STX19: variants seen among roughly 807,000 people sequenced by gnomAD.
STX19 encodes syntaxin 19, also known as syntaxin-19.
A neutral mutation model predicts 24.3 loss-of-function variants in STX19; 26 were observed. That is an observed-to-expected ratio of 1.07 (90% CI 0.78 to 1.48). STX19 has a LOEUF of 1.48. Ranked by LOEUF, STX19 falls within the 40% of genes most tolerant of loss-of-function variation. STX19 has a pLI of 0.00. For missense variants in STX19, 367 were observed against 331.9 expected, an observed-to-expected ratio of 1.11 and a Z score of -0.82; for synonymous variants, 116 against 106.9, an observed-to-expected ratio of 1.09 and a Z score of -0.52.
intron 1 of STX19, among the ~76,000 whole-genome samples, chr3:94,017,577 T>TATA (rs1425630537): frequency 6.6e-6 from 1 of 152,246 alleles, no homozygotes; most frequent in African/African-American, 2.4e-5. Context: ...CTTATATGTA[T>TATA]ATAAGTTTTA....
chr3:94,020,256 C>T lies in STX19; in HGVS notation c.-13-4974G>A, dbSNP rs555836441. Reference sequence around the variant, plus strand: ...TCTTGATATCTTAGATTTACTTGAGCTCTTAATATGTGCCAGGCACTAAGT... The same window carrying T: ...TCTTGATATCTTAGATTTACTTGAGTTCTTAATATGTGCCAGGCACTAAGT... On this transcript the variant is annotated intron_variant, in intron 1 of 1. Coordinates refer to ENST00000315099, the MANE Select transcript of STX19 (RefSeq NM_001001850.3). Among the ~76,000 whole-genome samples the T allele has an allele frequency of 5.9e-5, 9 of 152,220 alleles. No individual in the cohort carries two copies. The South Asian group carries it at 6.2e-4, about 11-fold the overall frequency.
chr3:94,024,231 T>G (rs1253404606), intron 1 of STX19, among the ~76,000 whole-genome samples: 1 of 152,194 alleles, frequency 6.6e-6, no homozygotes, highest in African/African-American at 2.4e-5. Context: ...GACTATGAAT[T>G]CTTAAAAATA....
intron 1 of STX19, among the ~76,000 whole-genome samples, chr3:94,022,590 T>C (rs900753377): frequency 2.6e-5 from 4 of 152,148 alleles, no homozygotes; most frequent in Non-Finnish European, 4.4e-5. Flanking sequence ...ACTACCCAAA[T>C]ATTATTTATA....
intron 1 of STX19, among the ~76,000 whole-genome samples, chr3:94,021,968 A>T (rs972309127): frequency 6.6e-6 from 1 of 151,878 alleles, no homozygotes; most frequent in African/African-American, 2.4e-5. Flanking sequence ...TATATATCTG[A>T]CCCTTACCTG....
Position 94,014,947 on chromosome 3 carries a change from C to A in STX19, c.323G>T (p.Ser108Ile), listed in dbSNP as rs556745116. ...AACTTCTTTAACTAAATCATTCAAA[C>A]TTCTGTTGATGTATTCTGCCTGAAT... ...IKIQAEYINRSLNDLVKEVKK... is the reference protein window; with the variant it reads ...IKIQAEYINRILNDLVKEVKK... The change falls in exon 2 of 2, where the codon AGT becomes ATT. Residue 108 changes from serine to isoleucine, a missense_variant. Transcript: ENST00000315099. 2.9e-5 allele frequency: 46 copies of A among 1,613,918 alleles called. No individual in the cohort carries two copies. The South Asian group carries it at 5.1e-4, about 18-fold the overall frequency.
At chr3:94,019,527 C>T (rs1427917520) in intron 1 of STX19, among the ~76,000 whole-genome samples, 6 of 152,052 alleles carry the variant, frequency 3.9e-5, no homozygotes, top group African/African-American at 7.2e-5. Context: ...TGATTGTTAA[C>T]GATAGTCTCC....
chr3:94,025,028 T>C (rs1320827265), intron 1 of STX19, among the ~76,000 whole-genome samples: 2 of 152,214 alleles, frequency 1.3e-5, no homozygotes, highest in Non-Finnish European at 2.9e-5. Flanking sequence ...TGAATTTTCC[T>C]GTGAAGTGCC....
chr3:94,025,961 C>G (rs2107041463), intron 1 of STX19, among the ~76,000 whole-genome samples: 1 of 152,060 alleles, frequency 6.6e-6, no homozygotes, highest in South Asian at 2.1e-4. Flanking sequence ...GCTTTAATTA[C>G]TACTCTTCAC....
At chr3:94,022,137 T>A (rs557500832) in intron 1 of STX19, among the ~76,000 whole-genome samples, 10 of 152,240 alleles carry the variant, frequency 6.6e-5, no homozygotes, top group Non-Finnish European at 1.3e-4. Context: ...ATTTTATTTT[T>A]TTTGAGACAG....
intron 1 of STX19, among the ~76,000 whole-genome samples, chr3:94,018,713 T>C (rs1467692263): frequency 1.3e-5 from 2 of 152,128 alleles, no homozygotes; most frequent in Non-Finnish European, 2.9e-5. Flanking sequence ...CTGCCCCATC[T>C]CTCTTCTGGC....
intron 1 of STX19, among the ~76,000 whole-genome samples, chr3:94,028,102 A>T (rs1232530145): frequency 6.6e-6 from 1 of 152,152 alleles, no homozygotes; most frequent in Non-Finnish European, 1.5e-5. Context: ...ATGAGAGCTT[A>T]CTTTTTAAAA....
intron 1 of STX19, among the ~76,000 whole-genome samples, chr3:94,023,892 A>T (rs962281638): frequency 6.6e-6 from 1 of 152,204 alleles, no homozygotes; most frequent in African/African-American, 2.4e-5. Flanking sequence ...TTGAAGCTTT[A>T]TTAGGATCTT....
At chr3:94,021,254 C>T (rs1223972825) in intron 1 of STX19, among the ~76,000 whole-genome samples, 1 of 150,728 alleles carries the variant, frequency 6.6e-6, no homozygotes, top group Admixed American at 6.6e-5. Context: ...AGTGCAGTGT[C>T]ATGATCTCAG....
intron 1 of STX19, 99 bp from the exon 2 acceptor site, chr3:94,015,381 C>A: frequency 1.2e-6 from 1 of 861,884 alleles, no homozygotes; most frequent in Non-Finnish European, 1.7e-6. Flanking sequence ...AGCAAAAGTT[C>A]TCCTAGTTTT....
chr3:94,014,379 G>A lies in STX19; in HGVS notation c.*6C>T, dbSNP rs770904885. 13 of 1,513,776 alleles carry A rather than the reference G, an allele frequency of 8.6e-6. No individual in the cohort carries two copies. The highest frequency in any genetic ancestry group is 1.1e-5 in the Non-Finnish European group (13 of 1,138,928). The allele number at this position is 1,513,776 out of a possible 1,614,324, so 93.8% of individuals were successfully genotyped here. A position where few individuals can be genotyped will look rare whatever the true frequency, so the allele number is the denominator to read the frequency against. On this transcript the variant is annotated 3_prime_UTR_variant, in exon 2 of 2. Coordinates refer to ENST00000315099, the MANE Select transcript of STX19 (RefSeq NM_001001850.3). ...TAAAGCTGGAAAAAGTTTTAAAATA[G>A]CTTCTTTATTTTGAGCTACAGCATG... is the stretch of plus-strand genomic sequence containing the variant.
intron 1 of STX19, 119 bp from the exon 2 acceptor site, chr3:94,015,401 G>C (rs2076310401): frequency 1.5e-6 from 1 of 662,428 alleles, no homozygotes; most frequent in East Asian, 2.9e-5. Context: ...TCTCAAATGA[G>C]GTTAAAAAGT....
intron 1 of STX19, among the ~76,000 whole-genome samples, chr3:94,017,281 C>T (rs1379007052): frequency 6.6e-6 from 1 of 152,192 alleles, no homozygotes; most frequent in Non-Finnish European, 1.5e-5. Context: ...ATTAGACTTA[C>T]TTGGCATAAC....
At chr3:94,021,433 G>C (rs1462828300) in intron 1 of STX19, among the ~76,000 whole-genome samples, 1 of 152,020 alleles carries the variant, frequency 6.6e-6, no homozygotes, top group Non-Finnish European at 1.5e-5. Context: ...GACCTCAAGT[G>C]ATCTGCCCGC....
chr3:94,021,569 G>A (rs2076449634), intron 1 of STX19, among the ~76,000 whole-genome samples: 1 of 152,148 alleles, frequency 6.6e-6, no homozygotes, highest in African/African-American at 2.4e-5. Context: ...GGGAAGTAAT[G>A]TGGAAACTTT....
Sources: gnomAD v4.1 joint callset for allele counts (sites outside exome capture counted in the v4.1 genomes callset) on GRCh38, gnomAD v4.1.1 for gene constraint, MANE v1.5 for transcripts, NCBI Gene and HGNC (gene_info 2026-07-23, HGNC 2026-07-21) for gene names.